ADAMTS9: variants seen among roughly 807,000 people sequenced by gnomAD.
ADAMTS9 encodes the protein A disintegrin and metalloproteinase with thrombospondin motifs 9.
Under a neutral mutation model 257.1 loss-of-function variants are expected in ADAMTS9, and 107 were observed. That is an observed-to-expected ratio of 0.42 (90% confidence interval 0.36 to 0.49). ADAMTS9 has a LOEUF of 0.49. Among genes scored for constraint, ADAMTS9 ranks in the 20% least tolerant of loss-of-function variants. The pLI is 0.03. For missense variants in ADAMTS9, 2,353 were observed against 2,469.1 expected (o/e 0.95, Z 1.00); for synonymous variants, 982 against 880.9 (o/e 1.11, Z -2.03).
intron 11 of ADAMTS9, among the ~76,000 whole-genome samples, chr3:64,643,890 C>T (rs1166273623): frequency 2.0e-5 from 3 of 151,984 alleles, no homozygotes; most frequent in Admixed American, 2.0e-4. Context: ...TGGCTGGTGG[C>T]CACCATATTG....
chr3:64,622,006 A>G (rs1316798277), intron 18 of ADAMTS9, among the ~76,000 whole-genome samples, 192 bp downstream of exon 18: 1 of 152,096 alleles, frequency 6.6e-6, no homozygotes, highest in Non-Finnish European at 1.5e-5. Flanking sequence ...GAAGAAATCT[A>G]AAATTTCTTG....
chr3:64,602,296 G>T, intron 25 of ADAMTS9, 83 bp from the exon 26 acceptor site: 1 of 1,512,496 alleles, frequency 6.6e-7, no homozygotes, highest in Non-Finnish European at 9.0e-7. Flanking sequence ...TCTGTAAATG[G>T]CCCACCACTT....
At position 64,687,976 on chromosome 3, in the gene ADAMTS9, C is replaced by A. The variant is rs925401324; in HGVS notation, c.-319G>T. On this transcript the variant is annotated 5_prime_UTR_variant, in exon 1 of 40. Coordinates refer to ENST00000498707, the MANE Select transcript of ADAMTS9 (RefSeq NM_182920.2). The surrounding 1 kb of genome is among the most constrained non-coding windows in gnomAD (Gnocchi z 4.4). ...GGCAGGAGAAGGCGAGGAACTTGCG[C>A]TCCGAGGCGCGCCGGGCGCCCTGTG... The A allele has an allele frequency of 4.9e-6, 1 of 202,286 alleles. No homozygotes were observed. The highest frequency in any genetic ancestry group is 9.9e-6 in the Non-Finnish European group (1 of 101,282). 12.5% of individuals were successfully genotyped at this position (202,286 alleles called of 1,614,324 possible).
intron 2 of ADAMTS9, among the ~76,000 whole-genome samples, chr3:64,682,367 C>A (rs1701779919): frequency 6.6e-6 from 1 of 152,192 alleles, no homozygotes; most frequent in Non-Finnish European, 1.5e-5. Context: ...TAGCCTCTAA[C>A]CATTAGGATA....
At chr3:64,541,759 A>T (rs572300238) in intron 33 of ADAMTS9, 79 bp downstream of exon 33, 2 of 1,584,820 alleles carry the variant, frequency 1.3e-6, no homozygotes, top group Non-Finnish European at 1.7e-6. Flanking sequence ...CTATATTTCT[A>T]AAAAGGGCAG....
In ADAMTS9 at chr3:64,622,468, T is replaced by C. The variant is rs763020276; in HGVS notation, c.2508A>G (p.Val836=). The C allele has an allele frequency of 3.7e-6, 6 of 1,614,110 alleles. No homozygotes were observed. The South Asian group carries it at 6.6e-5, about 18-fold the overall frequency. ...VVEYSGSETA[V]ERINSTDRIE... is the part of the protein sequence containing the mutation. The stretch of plus-strand genomic sequence containing the variant: ...TGCGATCTGTTGAGTTAATTCTTTC[T>C]ACGGCAGTCTCGGACCCACTGTACT... The change falls in exon 17 of 40, where the codon GTA becomes GTG. Residue 836 remains valine, a synonymous_variant. Transcript: ENST00000498707.
At chr3:64,646,422 G>C (rs1700789232) in intron 11 of ADAMTS9, among the ~76,000 whole-genome samples, 1 of 152,150 alleles carries the variant, frequency 6.6e-6, no homozygotes, top group African/African-American at 2.4e-5. Context: ...AATCCACTAA[G>C]TTACATGTCT....
chr3:64,595,595 A>C (rs913953205), intron 27 of ADAMTS9, among the ~76,000 whole-genome samples: 1 of 152,246 alleles, frequency 6.6e-6, no homozygotes, highest in African/African-American at 2.4e-5. Context: ...TCCACAATAC[A>C]TGAGTCACAA....
chr3:64,584,510 A>G (rs966330698), intron 28 of ADAMTS9, among the ~76,000 whole-genome samples: 1 of 152,200 alleles, frequency 6.6e-6, no homozygotes, highest in Non-Finnish European at 1.5e-5. Context: ...TCTCAGATTA[A>G]AAACAGCTTC....
intron 3 of ADAMTS9, among the ~76,000 whole-genome samples, chr3:64,662,907 T>A (rs1261945859): frequency 6.6e-6 from 1 of 152,096 alleles, no homozygotes; most frequent in Non-Finnish European, 1.5e-5. Context: ...AAACTTTATT[T>A]CATGCACACA....
intron 28 of ADAMTS9, among the ~76,000 whole-genome samples, chr3:64,591,033 A>T (rs1367630570): frequency 6.6e-6 from 1 of 152,196 alleles, no homozygotes. Flanking sequence ...GTGGTTCGAT[A>T]GTATAGAGGT....
chr3:64,544,053 A>G (rs550303043), intron 32 of ADAMTS9, among the ~76,000 whole-genome samples: 19 of 152,362 alleles, frequency 1.2e-4, no homozygotes, highest in East Asian at 1.2e-3. Flanking sequence ...AATCCAACTT[A>G]CAAGGGATGT....
At chr3:64,631,950 T>A in intron 14 of ADAMTS9, 25 bp from the exon 15 acceptor site, 1 of 1,529,000 alleles carries the variant, frequency 6.5e-7, no homozygotes, top group African/African-American at 1.4e-5. Flanking sequence ...AGATTTGAAA[T>A]AAATGTAAGC....
chr3:64,643,765 T>A (rs1485742284), intron 11 of ADAMTS9, among the ~76,000 whole-genome samples: 1 of 151,914 alleles, frequency 6.6e-6, no homozygotes, highest in Non-Finnish European at 1.5e-5. Flanking sequence ...ACACCTGGCC[T>A]ACTAATTAGA....
chr3:64,560,065 C>T (rs2083394282), intron 30 of ADAMTS9, among the ~76,000 whole-genome samples: 1 of 152,190 alleles, frequency 6.6e-6, no homozygotes, highest in African/African-American at 2.4e-5. Context: ...AACACTATTA[C>T]CTCCAGTTTT....
chr3:64,607,631 A>G (rs1375536738), intron 22 of ADAMTS9, among the ~76,000 whole-genome samples: 1 of 152,210 alleles, frequency 6.6e-6, no homozygotes, highest in Non-Finnish European at 1.5e-5. Context: ...TAAAAACAGT[A>G]AGTAGAGGAA....
At chr3:64,588,816 CCTG>C (rs1267685988) in intron 28 of ADAMTS9, 6 of 152,142 alleles carry the variant, frequency 3.9e-5, no homozygotes, top group African/African-American at 1.2e-4. Context: ...TTATTAAAAG[CCTG>C]CTAAGTTTTG....
intron 10 of ADAMTS9, 73 bp from the exon 11 acceptor site, chr3:64,648,117 C>T (rs1700841681): frequency 2.9e-6 from 4 of 1,364,582 alleles, no homozygotes; most frequent in Non-Finnish European, 4.1e-6. Flanking sequence ...GCAAAGCTTG[C>T]TTTCAACTAA....
intron 3 of ADAMTS9, among the ~76,000 whole-genome samples, chr3:64,661,314 C>A (rs1701216461): frequency 7.3e-6 from 1 of 136,126 alleles, no homozygotes. Flanking sequence ...CATATATGAG[C>A]TTTCAATATA....
Sources: allele counts gnomAD v4.1 joint callset (sites outside exome capture counted in the v4.1 genomes callset), GRCh38; gene constraint gnomAD v4.1.1; non-coding constraint Gnocchi (gnomAD v3.1); transcripts MANE v1.5; gene names NCBI Gene and HGNC (gene_info 2026-07-23, HGNC 2026-07-21).